Variants in DCDC1 observed in about 807,000 individuals in gnomAD.
DCDC1 encodes the protein doublecortin domain-containing protein 1.
Under a neutral mutation model 178.3 loss-of-function variants are expected in DCDC1, and 200 were observed. The observed-to-expected ratio is 1.12, with a 90% CI of 1.00 to 1.26. The LOEUF (loss-of-function observed/expected upper bound fraction) is 1.26. Ranked by LOEUF, DCDC1 falls within the 50% of genes most tolerant of loss-of-function variation. DCDC1 has a pLI of 0.00. For missense variants in DCDC1, 1,983 were observed against 1,749.2 expected, an observed-to-expected ratio of 1.13 and a Z score of -2.38; for synonymous variants, 690 against 604.8, an observed-to-expected ratio of 1.14 and a Z score of -2.07.
chr11:31,250,657 T>C (rs1943961430), intron 8 of DCDC1, among the ~76,000 whole-genome samples: 1 of 151,752 alleles, frequency 6.6e-6, no homozygotes, highest in African/African-American at 2.4e-5. Flanking sequence ...AGGATAGTAC[T>C]AGGCATTTTT....
At chr11:31,058,827 T>A (rs1245623893) in intron 20 of DCDC1, among the ~76,000 whole-genome samples, 1 of 152,108 alleles carries the variant, frequency 6.6e-6, no homozygotes, top group Non-Finnish European at 1.5e-5. Flanking sequence ...GCTTGCACTC[T>A]GGTCTCATCC....
chr11:31,365,672 A>AT (rs1345692140), intron 1 of DCDC1, among the ~76,000 whole-genome samples: 2 of 152,046 alleles, frequency 1.3e-5, no homozygotes, highest in Non-Finnish European at 2.9e-5. Flanking sequence ...TAACAATGTC[A>AT]TTTTTTCCTA....
At chr11:31,305,218 G>A (rs2137578741) in intron 6 of DCDC1, among the ~76,000 whole-genome samples, 1 of 152,236 alleles carries the variant, frequency 6.6e-6, no homozygotes, top group South Asian at 2.1e-4. Flanking sequence ...AAAAGACCAA[G>A]AGTGTAAATG....
In DCDC1 at chr11:31,329,508, A is replaced by G. The variant is rs149591022; in HGVS notation, c.-6-1222T>C. ...GGTTTGCTGTACCCATTAACTTGTC[A>G]TTTACATTGGGTATTTCTCCGAATG... On this transcript the variant is annotated intron_variant, in intron 2 of 38. Transcript: ENST00000684477. Among the ~76,000 whole-genome samples, 450 of 151,978 alleles carry G rather than the reference A, an allele frequency of 3.0e-3. 2 individuals carry two copies. Among genetic ancestry groups the G allele is most frequent in the African/African-American group, 0.01 (415 of 41,438 alleles).
chr11:30,934,616 C>G (rs182441471), intron 21 of DCDC1, among the ~76,000 whole-genome samples: 1 of 152,146 alleles, frequency 6.6e-6, no homozygotes, highest in Non-Finnish European at 1.5e-5. Context: ...ACCTCTGCAA[C>G]GTGGGAAAGA....
chr11:30,990,843 G>T (rs939192040), intron 20 of DCDC1, among the ~76,000 whole-genome samples: 6 of 152,156 alleles, frequency 3.9e-5, no homozygotes, highest in African/African-American at 1.4e-4. Flanking sequence ...TCACGCAAGT[G>T]CAGTGAAGCA....
At chr11:30,884,388 A>AT (rs959452192) in intron 36 of DCDC1, among the ~76,000 whole-genome samples, 14 of 151,788 alleles carry the variant, frequency 9.2e-5, no homozygotes, top group Non-Finnish European at 1.5e-5. Context: ...TTTGTTACGA[A>AT]TTTTTTTTAT....
chr11:30,867,016 C>T (rs915639807), intron 38 of DCDC1, among the ~76,000 whole-genome samples: 1 of 152,158 alleles, frequency 6.6e-6, no homozygotes, highest in Non-Finnish European at 1.5e-5. Context: ...TCTTGGACTT[C>T]CCAGCCTCCA....
intron 9 of DCDC1, among the ~76,000 whole-genome samples, chr11:31,224,376 G>A (rs1043000834): frequency 6.6e-6 from 1 of 151,806 alleles, no homozygotes; most frequent in Admixed American, 6.6e-5. Flanking sequence ...ATGGATCAAC[G>A]ATCAAAATCT....
At chr11:31,080,127 TA>T (rs1242954419) in intron 17 of DCDC1, among the ~76,000 whole-genome samples, 1 of 152,080 alleles carries the variant, frequency 6.6e-6, no homozygotes, top group Non-Finnish European at 1.5e-5. Context: ...TTATAATTAA[TA>T]AAGGAAAAGA....
At chr11:31,225,859 T>C (rs538590615) in intron 9 of DCDC1, among the ~76,000 whole-genome samples, 1 of 151,928 alleles carries the variant, frequency 6.6e-6, no homozygotes, top group East Asian at 1.9e-4. Flanking sequence ...TTTCATTATT[T>C]TGAAATAAGG....
At chr11:31,258,245 C>A (rs534873017) in intron 8 of DCDC1, among the ~76,000 whole-genome samples, 1 of 152,256 alleles carries the variant, frequency 6.6e-6, no homozygotes, top group South Asian at 2.1e-4. Context: ...GGGAGAAATA[C>A]ATCCTGGGTA....
intron 6 of DCDC1, among the ~76,000 whole-genome samples, chr11:31,296,697 A>G (rs2761594): frequency 0.7 from 107,037 of 152,134 alleles, 39,095 homozygotes; most frequent in African/African-American, 0.9. Flanking sequence ...CATGAATAGG[A>G]GGGCCTCAGG....
intron 21 of DCDC1, among the ~76,000 whole-genome samples, chr11:30,938,743 C>CAGGGTCTTTGGGCCAGATA (rs1947439518): frequency 6.6e-6 from 1 of 152,120 alleles, no homozygotes; most frequent in East Asian, 1.9e-4. Flanking sequence ...GATAAAACAG[C>CAGGGTCTTTGGGCCAGATA]AATACTTTAT....
At position 31,358,679 on chromosome 11, in the gene DCDC1, A is replaced by T. The variant is rs181333668; in HGVS notation, c.-125+11018T>A. ...CTACAAAATGGGACAAAATTTTTGC[A>T]ACCTACTCATCTGACAAAGGGCTAA... On this transcript the variant is annotated intron_variant, in intron 1 of 38. Coordinates refer to ENST00000684477, the MANE Select transcript of DCDC1 (RefSeq NM_001387274.1). 9.8e-4 allele frequency among the ~76,000 whole-genome samples: 149 copies of T among 152,292 alleles called. 1 individual carries two copies. Among genetic ancestry groups the T allele is most frequent in the Admixed American group, 4.5e-3 (69 of 15,300 alleles).
At chr11:30,906,830 A>G in intron 29 of DCDC1, 105 bp from the exon 30 acceptor site, 2 of 976,836 alleles carry the variant, frequency 2.0e-6, no homozygotes, top group Non-Finnish European at 2.7e-6. Context: ...ACACCCCAAA[A>G]TGCTAAATTT....
rs575580925 is a variant in DCDC1, at chr11:31,080,010, T to C, written c.2238-2085A>G. On this transcript the variant is annotated intron_variant, in intron 17 of 38. Transcript: ENST00000684477. ...GTATAACTGACCCCTAAGCTAAGGATCCCATTCTAAGGCTTTGACAATGTA... is the reference window on the plus strand; with the variant it reads ...GTATAACTGACCCCTAAGCTAAGGACCCCATTCTAAGGCTTTGACAATGTA... 1.0e-3 allele frequency among the ~76,000 whole-genome samples: 155 copies of C among 152,276 alleles called. 1 individual carries two copies. Among genetic ancestry groups the C allele is most frequent in the Middle Eastern group, 3.4e-3 (1 of 294 alleles).
intron 3 of DCDC1, among the ~76,000 whole-genome samples, chr11:31,315,387 G>A (rs1249168072): frequency 3.9e-5 from 5 of 128,274 alleles, no homozygotes; most frequent in African/African-American, 1.2e-4. Flanking sequence ...GTACAGTCTC[G>A]GCTCACTGGT....
chr11:31,269,635 C>T (rs1043826966), intron 7 of DCDC1, among the ~76,000 whole-genome samples: 2 of 152,146 alleles, frequency 1.3e-5, no homozygotes, highest in African/African-American at 4.8e-5. Context: ...ATCCTCCTGC[C>T]TCAGCCTCCC....
Sources: gnomAD v4.1 joint callset for allele counts (sites outside exome capture counted in the v4.1 genomes callset) on GRCh38, gnomAD v4.1.1 for gene constraint, MANE v1.5 for transcripts, NCBI Gene and HGNC (gene_info 2026-07-23, HGNC 2026-07-21) for gene names.